FSTL4: variants seen among roughly 807,000 people sequenced by gnomAD.
The protein encoded by FSTL4 is follistatin-related protein 4.
Under a neutral mutation model 78.2 loss-of-function variants are expected in FSTL4, and 28 were observed. The ratio of observed to expected loss-of-function variants is 0.36; its 90% CI spans 0.27 to 0.49. The LOEUF (loss-of-function observed/expected upper bound fraction) is 0.49, where lower values mean the gene tolerates loss of function less well. Among genes scored for constraint, FSTL4 ranks in the 20% least tolerant of loss-of-function variants. The pLI, the probability that FSTL4 is intolerant of heterozygous loss-of-function variation, is 0.98. For synonymous variants in FSTL4, 422 were observed against 440.5 expected, an observed-to-expected ratio of 0.96 and a Z score of 0.53; for missense variants, 922 against 1,084.9, an observed-to-expected ratio of 0.85 and a Z score of 2.11.
the FSTL4 span, among the ~76,000 whole-genome samples, chr5:133,771,186 G>A: frequency 6.6e-6 from 1 of 151,750 alleles, no homozygotes; most frequent in Non-Finnish European, 1.5e-5. Context: ...TTTTTGGTGA[G>A]GTTTTTTGAT....
chr5:133,225,299 GTGCTCAGGGTGGAC>G lies in FSTL4; in HGVS notation c.1178-29_1178-16del, dbSNP rs1751294326. 6.2e-7 allele frequency: 1 copy of G among 1,614,024 alleles called. No individual in the cohort carries two copies. The highest frequency in any genetic ancestry group is 1.7e-5 in the Admixed American group (1 of 60,010). ...GCTCCCATTGGCTGCAGACAGGACAGTGCTCAGGGTGGACTGCTCAGCTGGAGACCCACTCACTT... is the reference window on the plus strand; with the variant it reads ...GCTCCCATTGGCTGCAGACAGGACAGTGCTCAGCTGGAGACCCACTCACTT... On this transcript the variant is annotated splice_polypyrimidine_tract_variant and intron_variant, in intron 9 of 15. Coordinates refer to ENST00000265342, the MANE Select transcript of FSTL4 (RefSeq NM_015082.2). This position sits in a 1 kb window ranked among gnomAD's most constrained non-coding sequence, Gnocchi z 4.6.
intron 4 of FSTL4, among the ~76,000 whole-genome samples, chr5:133,333,519 T>C (rs377131915): frequency 7.9e-5 from 12 of 152,312 alleles, no homozygotes; most frequent in African/African-American, 2.9e-4. Context: ...GCAAATCTTA[T>C]TGTCACTAAC....
intron 6 of FSTL4, among the ~76,000 whole-genome samples, chr5:133,267,698 T>G (rs1156917760): frequency 1.3e-5 from 2 of 152,192 alleles, no homozygotes; most frequent in African/African-American, 4.8e-5. Context: ...GGGAAGGAAC[T>G]GCCTGCCATG....
chr5:133,589,369 G>C (rs1760574727), intron 2 of FSTL4, among the ~76,000 whole-genome samples: 4 of 151,380 alleles, frequency 2.6e-5, no homozygotes, highest in Admixed American at 2.6e-4. Context: ...AACTTCCCAA[G>C]GCCAATTCTT....
At chr5:133,382,398 G>C (rs1172769922) in intron 4 of FSTL4, among the ~76,000 whole-genome samples, 1 of 152,060 alleles carries the variant, frequency 6.6e-6, no homozygotes, top group African/African-American at 2.4e-5. Flanking sequence ...TCTTTACGTG[G>C]GTAATAATTT....
At chr5:133,731,428 C>G in the FSTL4 span, among the ~76,000 whole-genome samples, 1 of 152,096 alleles carries the variant, frequency 6.6e-6, no homozygotes, top group Non-Finnish European at 1.5e-5. Context: ...TCACAGGGAA[C>G]CAGATGTCAA....
At chr5:133,324,260 G>A (rs1321062347) in intron 4 of FSTL4, among the ~76,000 whole-genome samples, 1 of 152,186 alleles carries the variant, frequency 6.6e-6, no homozygotes. Context: ...GTCAAGGGGA[G>A]GGAGGCGTTG....
intron 6 of FSTL4, among the ~76,000 whole-genome samples, chr5:133,249,837 T>C (rs1055410750): frequency 2.6e-5 from 4 of 152,234 alleles, no homozygotes; most frequent in South Asian, 2.1e-4. Flanking sequence ...GAGGACAATC[T>C]GGGCCATAGA....
intron 3 of FSTL4, among the ~76,000 whole-genome samples, chr5:133,505,584 A>C (rs1319379382): frequency 1.3e-5 from 2 of 152,268 alleles, no homozygotes; most frequent in Admixed American, 1.3e-4. Flanking sequence ...AGATATTCTG[A>C]GCCATTAGAC....
the FSTL4 span, among the ~76,000 whole-genome samples, chr5:133,640,299 T>C: frequency 6.6e-6 from 1 of 152,242 alleles, no homozygotes; most frequent in Non-Finnish European, 1.5e-5. Flanking sequence ...TGGGCCATCT[T>C]AGATGCCTTG....
chr5:133,766,344 A>G, the FSTL4 span, among the ~76,000 whole-genome samples: 1 of 152,192 alleles, frequency 6.6e-6, no homozygotes, highest in Admixed American at 6.5e-5. Flanking sequence ...AACAGAGACC[A>G]TATGTGTCCC....
At chr5:133,582,322 T>C (rs902655342) in intron 2 of FSTL4, among the ~76,000 whole-genome samples, 2 of 152,172 alleles carry the variant, frequency 1.3e-5, no homozygotes, top group Admixed American at 6.5e-5. Context: ...TACATGGCAT[T>C]AACCTCCAGG....
At chr5:133,712,054 G>A in the FSTL4 span, among the ~76,000 whole-genome samples, 3 of 152,106 alleles carry the variant, frequency 2.0e-5, no homozygotes, top group East Asian at 1.9e-4. Flanking sequence ...TCCCCAGGCC[G>A]CCCAAGAACA....
the FSTL4 span, among the ~76,000 whole-genome samples, chr5:133,762,106 A>G: frequency 6.6e-6 from 1 of 152,162 alleles, no homozygotes; most frequent in Admixed American, 6.5e-5. Flanking sequence ...CACAACTTGG[A>G]AAGAGAATTT....
chr5:133,720,357 T>C, the FSTL4 span: 2 of 152,282 alleles, frequency 1.3e-5, no homozygotes, highest in African/African-American at 4.8e-5. Context: ...AGGTGGACTT[T>C]GCTTGACAAT....
intron 6 of FSTL4, among the ~76,000 whole-genome samples, chr5:133,285,979 T>G (rs1190769158): frequency 1.3e-5 from 2 of 152,194 alleles, no homozygotes; most frequent in Non-Finnish European, 2.9e-5. Flanking sequence ...AGGGCACCAA[T>G]AACTAAGCTC....
rs766697095 is a variant in FSTL4, at chr5:133,426,391, C to T, written c.161-25405G>A. On this transcript the variant is annotated intron_variant, in intron 3 of 15. Transcript: ENST00000265342. The surrounding 1 kb of genome is among the most constrained non-coding windows in gnomAD (Gnocchi z 5.0). ...TCTCCTGCATAATGAGCCCATGTCACTTCATGGGGGTTCTGGGCAGATGAA... is the reference window on the plus strand; with the variant it reads ...TCTCCTGCATAATGAGCCCATGTCATTTCATGGGGGTTCTGGGCAGATGAA... 6.6e-6 allele frequency among the ~76,000 whole-genome samples: 1 copy of T among 152,132 alleles called. No individual in the cohort carries two copies. Among genetic ancestry groups the T allele is most frequent in the Non-Finnish European group, 1.5e-5 (1 of 68,022 alleles).
At chr5:133,517,479 C>CCCCACA (rs1554068040) in intron 3 of FSTL4, among the ~76,000 whole-genome samples, 1 of 55,528 alleles carries the variant, frequency 1.8e-5, no homozygotes, top group African/African-American at 8.0e-5. Context: ...CACACACACA[C>CCCCACA]CACACACACA....
At chr5:133,744,323 G>T in the FSTL4 span, among the ~76,000 whole-genome samples, 1 of 152,302 alleles carries the variant, frequency 6.6e-6, no homozygotes, top group South Asian at 2.1e-4. Flanking sequence ...TAAGACCCCA[G>T]TCAGGACCAT....
Sources: allele counts gnomAD v4.1 joint callset (sites outside exome capture counted in the v4.1 genomes callset), GRCh38; gene constraint gnomAD v4.1.1; non-coding constraint Gnocchi (gnomAD v3.1); transcripts MANE v1.5; gene names NCBI Gene and HGNC (gene_info 2026-07-23, HGNC 2026-07-21).